The following ASB18 variants were observed in gnomAD, a reference collection of about 807,000 sequenced individuals.
ASB18 encodes the protein ankyrin repeat and SOCS box protein 18.
A neutral mutation model predicts 33.4 loss-of-function variants in ASB18; 33 were observed. That is an observed-to-expected ratio of 0.99 (90% CI 0.75 to 1.32). The LOEUF is 1.32. Ranked by LOEUF, ASB18 falls within the 40% of genes most tolerant of loss-of-function variation. The pLI, the probability that ASB18 is intolerant of heterozygous loss-of-function variation, is 0.00. For synonymous variants in ASB18, 295 were observed against 307.6 expected (o/e 0.96, Z 0.43); for missense variants, 694 against 655.5 (o/e 1.06, Z -0.64).
At position 236,235,052 on chromosome 2, in the gene ASB18, G is replaced by A. The variant is rs1316108555; in HGVS notation, c.596+2637C>T. Among the ~76,000 whole-genome samples the A allele has an allele frequency of 2.6e-5, 4 of 152,184 alleles. No individual in the cohort carries two copies. Among genetic ancestry groups the A allele is most frequent in the African/African-American group, 9.7e-5 (4 of 41,438 alleles). ...TACTTATCAATCACATATCTCACAA[G>A]AGATTCATATCTAGAATATCCCAAG... is the stretch of plus-strand genomic sequence containing the variant. On this transcript the variant is annotated intron_variant, in intron 3 of 5. Transcript: ENST00000409749. The surrounding 1 kb of genome is among the most constrained non-coding windows in gnomAD (Gnocchi z 6.2).
intron 4 of ASB18, among the ~76,000 whole-genome samples, chr2:236,199,118 A>C (rs2060387198): frequency 6.6e-6 from 1 of 152,202 alleles, no homozygotes; most frequent in Non-Finnish European, 1.5e-5. Context: ...GTTGATAGAA[A>C]AAGATTTTCC....
chr2:236,247,841 G>A (rs537420520), intron 1 of ASB18: 15 of 152,300 alleles, frequency 9.8e-5, no homozygotes, highest in African/African-American at 3.4e-4. Flanking sequence ...GTTTTCAAAT[G>A]GAAAGAGACT....
chr2:236,234,481 G>C lies in ASB18; in HGVS notation c.596+3208C>G, dbSNP rs1003659581. Among the ~76,000 whole-genome samples the C allele has an allele frequency of 2.0e-5, 3 of 152,142 alleles. No homozygotes were observed. The highest frequency in any genetic ancestry group is 4.4e-5 in the Non-Finnish European group (3 of 68,036). On this transcript the variant is annotated intron_variant, in intron 3 of 5. Coordinates refer to ENST00000409749, the MANE Select transcript of ASB18 (RefSeq NM_212556.4). This position sits in a 1 kb window ranked among gnomAD's most constrained non-coding sequence, Gnocchi z 4.1. ...GTGTGTGGCATAAAGATTGTGAGGA[G>C]CCAACACCACTGGCTACTCTTCCTT...
chr2:236,210,794 A>G (rs1223678774), intron 4 of ASB18, among the ~76,000 whole-genome samples: 3 of 152,178 alleles, frequency 2.0e-5, no homozygotes, highest in South Asian at 2.1e-4. Flanking sequence ...TTCCCAAAGG[A>G]ACACCTGTGA....
At position 236,195,256 on chromosome 2, in the gene ASB18, C is replaced by G. The variant is rs1162758211; in HGVS notation, c.1216-199G>C. 6.6e-6 allele frequency among the ~76,000 whole-genome samples: 1 copy of G among 152,172 alleles called. No homozygotes were observed. The highest frequency in any genetic ancestry group is 1.5e-5 in the Non-Finnish European group (1 of 68,028). On this transcript the variant is annotated intron_variant, in intron 5 of 5. Coordinates refer to ENST00000409749, the MANE Select transcript of ASB18 (RefSeq NM_212556.4). The surrounding 1 kb of genome is among the most constrained non-coding windows in gnomAD (Gnocchi z 5.5). ...TTGTGTGCTCTCCCAAAGCACAGTT[C>G]CTGCCGAGTGAGAGGGGATTCTGAC...
rs944848953 is a variant in ASB18, at chr2:236,237,626, G to C, written c.596+63C>G. The C allele has an allele frequency of 1.6e-4, 202 of 1,292,066 alleles. 1 individual carries two copies. In the South Asian group the frequency reaches 3.1e-3, roughly 20 times the overall value. The allele number at this position is 1,292,066 out of a possible 1,614,324, so 80.0% of individuals were successfully genotyped here. ...GGAGGCGGGGTCGGCGGTCTCGTGG[G>C]GGGAGGCGGGCGTCTGGTCTCGGGG... On this transcript the variant is annotated intron_variant, in intron 3 of 5. Transcript: ENST00000409749. The surrounding 1 kb of genome is among the most constrained non-coding windows in gnomAD (Gnocchi z 6.2).
rs2060467901 is a variant in ASB18, at chr2:236,213,359, C to A, written c.1101+1003G>T. On this transcript the variant is annotated intron_variant, in intron 4 of 5. Coordinates refer to ENST00000409749, the MANE Select transcript of ASB18 (RefSeq NM_212556.4). The surrounding 1 kb of genome is among the most constrained non-coding windows in gnomAD (Gnocchi z 4.8). ...TAGCATTTGAGAGAAATGAGTGAAT[C>A]TCACTTCTCGATGGTTCAGACCACT... Among the ~76,000 whole-genome samples, 1 of 152,112 alleles carries A rather than the reference C, an allele frequency of 6.6e-6. No individual in the cohort carries two copies. The highest frequency in any genetic ancestry group is 1.5e-5 in the Non-Finnish European group (1 of 68,030).
At chr2:236,261,678 T>A (rs2060719361) in intron 1 of ASB18, among the ~76,000 whole-genome samples, 1 of 152,198 alleles carries the variant, frequency 6.6e-6, no homozygotes, top group Non-Finnish European at 1.5e-5. Flanking sequence ...TGTGTATGTG[T>A]CAGTCTGTTT....
chr2:236,207,768 C>T (rs2060441245), intron 4 of ASB18, among the ~76,000 whole-genome samples: 1 of 151,778 alleles, frequency 6.6e-6, no homozygotes, highest in African/African-American at 2.4e-5. Flanking sequence ...CCCCGATTTT[C>T]ACATCTGCAC....
chr2:236,233,802 G>T (rs1479435258), intron 3 of ASB18, among the ~76,000 whole-genome samples: 1 of 152,096 alleles, frequency 6.6e-6, no homozygotes, highest in Non-Finnish European at 1.5e-5. Context: ...TGATTTGAAA[G>T]CCTCAATATT....
At chr2:236,210,114 C>T (rs970310869) in intron 4 of ASB18, among the ~76,000 whole-genome samples, 6 of 152,238 alleles carry the variant, frequency 3.9e-5, no homozygotes, top group African/African-American at 1.4e-4. Context: ...GTGTACTTGT[C>T]TGATCCACGT....
Position 236,238,101 on chromosome 2 carries a change from G to A in ASB18, c.329-145C>T. ...ATGTAGGGAGAAGAGGATAGAATCA[G>A]AGACGCACACAGAGACAGAGAGCAG... On this transcript the variant is annotated intron_variant, in intron 2 of 5. Coordinates refer to ENST00000409749, the MANE Select transcript of ASB18 (RefSeq NM_212556.4). The surrounding 1 kb of genome is among the most constrained non-coding windows in gnomAD (Gnocchi z 5.2). 1 of 566,652 alleles carries A rather than the reference G, an allele frequency of 1.8e-6. No individual in the cohort carries two copies. The highest frequency in any genetic ancestry group is 2.8e-6 in the Non-Finnish European group (1 of 359,054). 35.1% of individuals were successfully genotyped at this position (566,652 alleles called of 1,614,324 possible).
rs981374755 is a variant in ASB18 at position 236,208,041 on chromosome 2, A to T, written c.1101+6321T>A. Among the ~76,000 whole-genome samples the T allele has an allele frequency of 6.6e-6, 1 of 151,600 alleles. No homozygotes were observed. The highest frequency in any genetic ancestry group is 1.5e-5 in the Non-Finnish European group (1 of 67,904). ...AGGAGCTGTTCTTTCTAGACTGGGC[A>T]TCATATCGACATCATAAGAGCTATT... On this transcript the variant is annotated intron_variant, in intron 4 of 5. Transcript: ENST00000409749. The surrounding 1 kb of genome is among the most constrained non-coding windows in gnomAD (Gnocchi z 7.7).
intron 4 of ASB18, among the ~76,000 whole-genome samples, chr2:236,198,778 AT>A (rs1481823332): frequency 6.6e-5 from 10 of 152,226 alleles, no homozygotes; most frequent in African/African-American, 1.9e-4. Flanking sequence ...TTCTTCACTG[AT>A]TTGTAAGTAC....
At chr2:236,243,706 A>G (rs1403103628) in intron 1 of ASB18, among the ~76,000 whole-genome samples, 2 of 151,990 alleles carry the variant, frequency 1.3e-5, no homozygotes, top group African/African-American at 4.8e-5. Flanking sequence ...CAAATGAATG[A>G]TAACAGTTCT....
chr2:236,249,189 C>T lies in ASB18; in HGVS notation c.206-7787G>A, dbSNP rs761735145. 6.6e-6 allele frequency: 1 copy of T among 152,216 alleles called. No individual in the cohort carries two copies. Among genetic ancestry groups the T allele is most frequent in the Non-Finnish European group, 1.5e-5 (1 of 68,052 alleles). The allele number at this position is 152,216 out of a possible 1,614,324, so 9.4% of individuals were successfully genotyped here. On this transcript the variant is annotated intron_variant, in intron 1 of 5. Coordinates refer to ENST00000409749, the MANE Select transcript of ASB18 (RefSeq NM_212556.4). The surrounding 1 kb of genome is among the most constrained non-coding windows in gnomAD (Gnocchi z 4.6). ...TGGCTTTGTAGAACTGAGAGTCCCT[C>T]TGAGAACTCCAGAGAGCCCCTGTGC...
intron 4 of ASB18, among the ~76,000 whole-genome samples, chr2:236,207,272 T>C (rs563100768): frequency 3.8e-4 from 58 of 152,318 alleles, no homozygotes; most frequent in Middle Eastern, 3.4e-3. Flanking sequence ...TTTCCTTCTT[T>C]AGTGTATACT....
rs1458685822 is a variant in ASB18 at position 236,196,857 on chromosome 2, TC to T, written c.1102-473del. 6.6e-6 allele frequency among the ~76,000 whole-genome samples: 1 copy of T among 152,246 alleles called. No homozygotes were observed. The highest frequency in any genetic ancestry group is 1.5e-5 in the Non-Finnish European group (1 of 68,040). On this transcript the variant is annotated intron_variant, in intron 4 of 5. Transcript: ENST00000409749. This position sits in a 1 kb window ranked among gnomAD's most constrained non-coding sequence, Gnocchi z 5.6. ...GGAATTGTTTTGCTGTTGAATTTCC[TC>T]TTGACTTGGCATTTCCGTTTTATTT... is the stretch of plus-strand genomic sequence containing the variant.
At chr2:236,232,783 A>T (rs1042213165) in intron 3 of ASB18, among the ~76,000 whole-genome samples, 1 of 152,108 alleles carries the variant, frequency 6.6e-6, no homozygotes, top group Non-Finnish European at 1.5e-5. Flanking sequence ...AAAGAAATTA[A>T]ATTCATAGTT....
Sources: allele counts gnomAD v4.1 joint callset (sites outside exome capture counted in the v4.1 genomes callset), GRCh38; gene constraint gnomAD v4.1.1; non-coding constraint Gnocchi (gnomAD v3.1); transcripts MANE v1.5; gene names NCBI Gene and HGNC (gene_info 2026-07-23, HGNC 2026-07-21).